IDH1: variants seen among roughly 807,000 people sequenced by gnomAD.
IDH1 encodes isocitrate dehydrogenase (NADP(+)) 1.
A neutral mutation model predicts 46.1 loss-of-function variants in IDH1; 33 were observed. That is an observed-to-expected ratio of 0.72 (90% CI 0.54 to 0.96). IDH1 has a LOEUF of 0.96. IDH1 is among the 40% of genes least tolerant of loss of function. IDH1 has a pLI of 0.00. For synonymous variants in IDH1, 144 were observed against 172.8 expected (o/e 0.83, Z 1.31); for missense variants, 421 against 515.7 (o/e 0.82, Z 1.78).
chr2:208,241,762 A>G (rs1687923015), intron 7 of IDH1, among the ~76,000 whole-genome samples: 2 of 152,194 alleles, frequency 1.3e-5, no homozygotes, highest in South Asian at 4.1e-4. Flanking sequence ...TAAAACTTCA[A>G]GGAGTGACAC....
chr2:208,244,980 T>C (rs1687988842), intron 5 of IDH1, among the ~76,000 whole-genome samples: 1 of 152,230 alleles, frequency 6.6e-6, no homozygotes, highest in Non-Finnish European at 1.5e-5. Flanking sequence ...GATTATATGC[T>C]GGGTGATTTG....
chr2:208,237,764 C>CAAAAAAAAA (rs11433971), intron 9 of IDH1, among the ~76,000 whole-genome samples: 3 of 97,606 alleles, frequency 3.1e-5, no homozygotes, highest in Non-Finnish European at 6.2e-5. Context: ...ACTAAAAATA[C>CAAAAAAAAA]AAAAAAAAAA....
At chr2:208,241,578 A>G (rs1031977171) in intron 7 of IDH1, among the ~76,000 whole-genome samples, 1 of 152,052 alleles carries the variant, frequency 6.6e-6, no homozygotes, top group Non-Finnish European at 1.5e-5. Flanking sequence ...TGGCAGAGGG[A>G]CATGAGTAGG....
At position 208,236,810 on chromosome 2, in the gene IDH1, A is replaced by C. The variant is rs974161372; in HGVS notation, c.*269T>G. ...TAATTAGAACATGAGAAAAAGTGACAGTGAATACAAATGAGTACTAACCGA... is the reference window on the plus strand; with the variant it reads ...TAATTAGAACATGAGAAAAAGTGACCGTGAATACAAATGAGTACTAACCGA... On this transcript the variant is annotated 3_prime_UTR_variant, in exon 10 of 10. Coordinates refer to ENST00000345146, the MANE Select transcript of IDH1 (RefSeq NM_005896.4). 55 of 427,116 alleles carry C rather than the reference A, an allele frequency of 1.3e-4. No individual in the cohort carries two copies. The East Asian group carries it at 2.1e-3, about 17-fold the overall frequency. 26.5% of individuals were successfully genotyped at this position (427,116 alleles called of 1,614,324 possible).
chr2:208,239,830 T>C (rs1481197025), intron 8 of IDH1, 33 bp downstream of exon 8: 2 of 1,612,850 alleles, frequency 1.2e-6, no homozygotes, highest in Non-Finnish European at 1.7e-6. Context: ...GAGAGCACTC[T>C]CTGGTGAGAA....
chr2:208,249,192 CCT>C (rs1491407220), intron 3 of IDH1, among the ~76,000 whole-genome samples: 3 of 149,422 alleles, frequency 2.0e-5, no homozygotes, highest in African/African-American at 7.5e-5. Context: ...TGAGCCTTTC[CCT>C]TTTTTTTTTT....
At chr2:208,244,247 G>C (rs1186123226) in intron 5 of IDH1, among the ~76,000 whole-genome samples, 1 of 152,202 alleles carries the variant, frequency 6.6e-6, no homozygotes, top group Non-Finnish European at 1.5e-5. Context: ...GCCCTCACCA[G>C]GAACAGGTGT....
At position 208,238,160 on chromosome 2, in the gene IDH1, C is replaced by T. The variant is rs754251843; in HGVS notation, c.1154+911G>A. Among the ~76,000 whole-genome samples the T allele has an allele frequency of 4.0e-5, 6 of 151,494 alleles. No homozygotes were observed. In the East Asian group the frequency reaches 1.0e-3, roughly 26 times the overall value. On this transcript the variant is annotated intron_variant, in intron 9 of 9. Coordinates refer to ENST00000345146, the MANE Select transcript of IDH1 (RefSeq NM_005896.4). The stretch of plus-strand genomic sequence containing the variant: ...ACGCCATTCTCCTGCCTCAGCCTCC[C>T]GAGTAGCTGGGACTACAGGTGCCCG...
intron 8 of IDH1, 128 bp downstream of exon 8, chr2:208,239,735 T>C: frequency 1.1e-6 from 1 of 877,070 alleles, no homozygotes; most frequent in Non-Finnish European, 1.9e-6. Context: ...CAAATAGATC[T>C]TACTAGTAGA....
At position 208,236,717 on chromosome 2, in the gene IDH1, G is replaced by T. The variant is rs892271979; in HGVS notation, c.*362C>A. The stretch of plus-strand genomic sequence containing the variant: ...GGAAGGCAGTGAATTTCTACTTTAT[G>T]CATATTTTAGGGAGCAATACTGTGG... On this transcript the variant is annotated 3_prime_UTR_variant, in exon 10 of 10. Transcript: ENST00000345146. 6.6e-6 allele frequency: 2 copies of T among 303,692 alleles called. No individual in the cohort carries two copies. Among genetic ancestry groups the T allele is most frequent in the Admixed American group, 4.7e-5 (1 of 21,468 alleles). 18.8% of individuals were successfully genotyped at this position (303,692 alleles called of 1,614,324 possible).
chr2:208,254,719 A>C lies in IDH1; in HGVS notation c.-91+220T>G, dbSNP rs1688183287. Among the ~76,000 whole-genome samples, 3 of 151,308 alleles carry C rather than the reference A, an allele frequency of 2.0e-5. No individual in the cohort carries two copies. The South Asian group carries it at 6.3e-4, about 32-fold the overall frequency. The stretch of plus-strand genomic sequence containing the variant: ...CCAGTTTCTCCCTCCCAGGCCCAAA[A>C]GCAGACCTTCTGCATATCCAAGCAT... On this transcript the variant is annotated intron_variant, in intron 1 of 9. Coordinates refer to ENST00000345146, the MANE Select transcript of IDH1 (RefSeq NM_005896.4).
chr2:208,248,414 T>C lies in IDH1; in HGVS notation c.369A>G (p.Gly123=). ...GACCTATGATGATAGGTTTTACCCATCCACTCACAAGCCGGGGGATATTTT... is the reference window on the plus strand; with the variant it reads ...GACCTATGATGATAGGTTTTACCCACCCACTCACAAGCCGGGGGATATTTT... The part of the protein sequence containing the change: ...ICKNIPRLVS[G]WVKPIIIGRH... The change falls in exon 4 of 10, where the codon GGA becomes GGG. Residue 123 remains glycine (G), a synonymous_variant. Coordinates refer to ENST00000345146, the MANE Select transcript of IDH1 (RefSeq NM_005896.4). 1 of 1,614,112 alleles carries C rather than the reference T, an allele frequency of 6.2e-7. No homozygotes were observed.
chr2:208,253,272 C>G (rs1048894129), intron 2 of IDH1, among the ~76,000 whole-genome samples: 1 of 152,240 alleles, frequency 6.6e-6, no homozygotes. Context: ...ATGCATACTT[C>G]AGACGCTTCA....
rs1250401568 is a variant in IDH1, at chr2:208,248,512, T to C, written c.271A>G (p.Met91Val). 1 of 1,614,210 alleles carries C rather than the reference T, an allele frequency of 6.2e-7. No individual in the cohort carries two copies. The highest frequency in any genetic ancestry group is 8.5e-7 in the Non-Finnish European group (1 of 1,180,050). Residue 91 changes from methionine to valine, a missense_variant, in exon 4 of 10, where the codon ATG becomes GTG. Transcript: ENST00000345146. Reference protein sequence around the residue: ...KRVEEFKLKQMWKSPNGTIRN... With the variant: ...KRVEEFKLKQVWKSPNGTIRN... ...ATGGTGCCATTTGGTGATTTCCACATTTGTTTCAACTTGAACTCCTCAACC... is the reference window on the plus strand; with the variant it reads ...ATGGTGCCATTTGGTGATTTCCACACTTGTTTCAACTTGAACTCCTCAACC...
intron 4 of IDH1, among the ~76,000 whole-genome samples, chr2:208,245,781 C>A (rs1039545169): frequency 4.5e-4 from 16 of 35,282 alleles, no homozygotes; most frequent in Non-Finnish European, 7.5e-4. Context: ...GGTATTAGAC[C>A]CCCCCCCCAA....
intron 6 of IDH1, 53 bp from the exon 7 acceptor site, chr2:208,242,198 G>A: frequency 6.5e-7 from 1 of 1,544,958 alleles, no homozygotes; most frequent in South Asian, 1.1e-5. Context: ...GATTTTGTTA[G>A]GGATATCATC....
rs2124853830 is a variant in IDH1, at chr2:208,243,450, G to A, written c.675C>T (p.Asp225=). The change falls in exon 6 of 10, where the codon GAC becomes GAT. Residue 225 remains aspartate (D), a synonymous_variant. Transcript: ENST00000345146. ...ACTTGTCATATATCTCCTGAAAGATGTCTTTAAAACGCCCATCATATTTCT... is the reference window on the plus strand; with the variant it reads ...ACTTGTCATATATCTCCTGAAAGATATCTTTAAAACGCCCATCATATTTCT... ...ILKKYDGRFK[D]IFQEIYDKQY... 2.5e-6 allele frequency: 4 copies of A among 1,613,458 alleles called. No homozygotes were observed. In the South Asian group the frequency reaches 4.4e-5, roughly 18 times the overall value.
chr2:208,247,421 C>T (rs185916564), intron 4 of IDH1: 5 of 152,354 alleles, frequency 3.3e-5, no homozygotes, highest in Non-Finnish European at 2.9e-5. Context: ...AGGCTGCTTT[C>T]AACTACCGAG....
rs1256526151 is a variant in IDH1 at position 208,236,863 on chromosome 2, A to G, written c.*216T>C. The G allele has an allele frequency of 1.8e-6, 1 of 544,776 alleles. No individual in the cohort carries two copies. Among genetic ancestry groups the G allele is most frequent in the Non-Finnish European group, 3.2e-6 (1 of 308,858 alleles). The allele number at this position is 544,776 out of a possible 1,614,324, so 33.7% of individuals were successfully genotyped here. A position where few individuals can be genotyped will look rare whatever the true frequency, so the allele number is the denominator to read the frequency against. ...TCCTAGGCTGGTACTAGAAAATAAA[A>G]TAAAAATTGTAAAAAAGTCCCTTGC... On this transcript the variant is annotated 3_prime_UTR_variant, in exon 10 of 10. Transcript: ENST00000345146.
Sources: gnomAD v4.1 joint callset for allele counts (sites outside exome capture counted in the v4.1 genomes callset) on GRCh38, gnomAD v4.1.1 for gene constraint, MANE v1.5 for transcripts, NCBI Gene and HGNC (gene_info 2026-07-23, HGNC 2026-07-21) for gene names.